The following NSFL1C variants were observed in gnomAD, a reference collection of about 807,000 sequenced individuals.
NSFL1C encodes NSFL1 cofactor p47.
A neutral mutation model predicts 43.1 loss-of-function variants in NSFL1C; 14 were observed. The observed-to-expected ratio is 0.32, with a 90% CI of 0.21 to 0.51. The LOEUF is 0.51. Among genes scored for constraint, NSFL1C ranks in the 20% least tolerant of loss-of-function variants. The pLI is 0.98. For missense variants in NSFL1C, 406 were observed against 472.5 expected (o/e 0.86, Z 1.30); for synonymous variants, 171 against 183.5 (o/e 0.93, Z 0.55).
intron 3 of NSFL1C, among the ~76,000 whole-genome samples, chr20:1,457,798 C>T (rs184865732): frequency 6.6e-6 from 1 of 152,318 alleles, no homozygotes; most frequent in East Asian, 1.9e-4. Flanking sequence ...TGTGTATATA[C>T]ACCACATTTG....
Position 1,445,713 on chromosome 20 carries a change from C to G in NSFL1C, c.903G>C (p.Arg301=), listed in dbSNP as rs1182740074. ...ESEPTTNIQI[R]LADGGRLVQK... Reference sequence around the variant, plus strand: ...GCACCAGCCTCCCGCCGTCTGCAAGCCGAATTTGGATGTTTGTGGTAGGCT... The same window carrying G: ...GCACCAGCCTCCCGCCGTCTGCAAGGCGAATTTGGATGTTTGTGGTAGGCT... The change falls in exon 8 of 9, where the codon CGG becomes CGC. Residue 301 remains arginine (R), a synonymous_variant. Transcript: ENST00000216879. 6.2e-7 allele frequency: 1 copy of G among 1,613,816 alleles called. No individual in the cohort carries two copies. The highest frequency in any genetic ancestry group is 1.3e-5 in the African/African-American group (1 of 74,980).
chr20:1,446,124 G>C (rs2122808016), intron 7 of NSFL1C: 1 of 502,202 alleles, frequency 2.0e-6, no homozygotes, highest in Non-Finnish European at 3.7e-6. Flanking sequence ...CTGAACAAGG[G>C]CTTGAAGGGA....
At chr20:1,462,122 T>C (rs944235929) in intron 2 of NSFL1C, among the ~76,000 whole-genome samples, 5 of 152,148 alleles carry the variant, frequency 3.3e-5, no homozygotes, top group Non-Finnish European at 7.4e-5. Context: ...ATTCTAGAGT[T>C]GGGTGTTGCT....
intron 2 of NSFL1C, 38 bp from the exon 3 acceptor site, chr20:1,458,312 C>G (rs1405002389): frequency 3.8e-6 from 6 of 1,568,430 alleles, no homozygotes; most frequent in Middle Eastern, 1.7e-4. Flanking sequence ...TCTCAGGGAG[C>G]ATTAAGAAAG....
chr20:1,464,194 T>C (rs1205768845), intron 2 of NSFL1C, 135 bp downstream of exon 2: 9 of 709,816 alleles, frequency 1.3e-5, no homozygotes, highest in Non-Finnish European at 2.3e-5. Context: ...TGCTGGGAAG[T>C]ACTACCCATT....
chr20:1,460,361 C>T (rs1322041380), intron 2 of NSFL1C, among the ~76,000 whole-genome samples: 1 of 152,176 alleles, frequency 6.6e-6, no homozygotes, highest in Non-Finnish European at 1.5e-5. Flanking sequence ...GAAGGGGTAT[C>T]CAGCAATCTA....
rs1314866814 is a variant in NSFL1C, at chr20:1,466,701, G to A, written c.105+19C>T. ...AGCAGTCCCCGGCCCACCCGACACA[G>A]CCCGCCGCGCGGCGCTACCTGCAAG... On this transcript the variant is annotated intron_variant, in intron 1 of 8. Transcript: ENST00000216879. The A allele has an allele frequency of 6.5e-7, 1 of 1,535,474 alleles. No individual in the cohort carries two copies. Among genetic ancestry groups the A allele is most frequent in the Admixed American group, 2.0e-5 (1 of 51,256 alleles).
rs1375363159 is a variant in NSFL1C at position 1,458,183 on chromosome 20, C to T, written c.278+17G>A. On this transcript the variant is annotated intron_variant, in intron 3 of 8. Coordinates refer to ENST00000216879, the MANE Select transcript of NSFL1C (RefSeq NM_016143.5). ...TTCCCTGTGAACTGTCCCCCTGACC[C>T]CCTCTAGAAGACTCACCTCTGGCCT... 4 of 1,607,566 alleles carry T rather than the reference C, an allele frequency of 2.5e-6. No individual in the cohort carries two copies. The highest frequency in any genetic ancestry group is 3.4e-6 in the Non-Finnish European group (4 of 1,174,114).
At chr20:1,457,154 T>G (rs2090319227) in intron 3 of NSFL1C, 2 of 152,216 alleles carry the variant, frequency 1.3e-5, no homozygotes, top group African/African-American at 4.8e-5. Context: ...GGGGGAAATA[T>G]ACACTTATAA....
At chr20:1,455,755 G>A (rs771276892) in intron 3 of NSFL1C, 1 of 779,274 alleles carries the variant, frequency 1.3e-6, no homozygotes, top group Non-Finnish European at 2.4e-6. Context: ...ATCAGCAGAT[G>A]TATGCAAAAG....
intron 1 of NSFL1C, 94 bp downstream of exon 1, chr20:1,466,626 G>A: frequency 8.3e-7 from 1 of 1,200,452 alleles, no homozygotes; most frequent in Non-Finnish European, 1.2e-6. Context: ...GAGCGGGGAT[G>A]ACTGTGCGCT....
At chr20:1,453,866 A>C (rs533776914) in intron 5 of NSFL1C, among the ~76,000 whole-genome samples, 9 of 151,946 alleles carry the variant, frequency 5.9e-5, no homozygotes, top group African/African-American at 2.2e-4. Flanking sequence ...AATTGGTGTT[A>C]AGTCTTCTCT....
intron 4 of NSFL1C, 105 bp downstream of exon 4, chr20:1,454,862 A>C: frequency 8.0e-7 from 1 of 1,245,046 alleles, no homozygotes; most frequent in Non-Finnish European, 1.1e-6. Context: ...CCAAGTAAGC[A>C]AATGAAAAAA....
rs11468573 is a variant in NSFL1C, at chr20:1,453,251, CAT to C, written c.538-113_538-112del. 2,365 of 686,340 alleles carry C rather than the reference CAT, an allele frequency of 3.4e-3. 39 individuals carry two copies. The African/African-American group carries it at 0.036, about 11-fold the overall frequency. 42.5% of individuals were successfully genotyped at this position (686,340 alleles called of 1,614,324 possible). On this transcript the variant is annotated intron_variant, in intron 5 of 8. Transcript: ENST00000216879. ...TCAGTGTTGCTACTATTAAAACACACATAGAGACACACATATATACATGTGTG... is the reference window on the plus strand; with the variant it reads ...TCAGTGTTGCTACTATTAAAACACACAGAGACACACATATATACATGTGTG...
chr20:1,457,571 A>C (rs1193301493), intron 3 of NSFL1C, among the ~76,000 whole-genome samples: 1 of 152,166 alleles, frequency 6.6e-6, no homozygotes, highest in African/African-American at 2.4e-5. Context: ...TTAAGATTTT[A>C]TACCCTTTGA....
chr20:1,445,532 CT>C, intron 8 of NSFL1C, 133 bp downstream of exon 8: 1 of 1,006,826 alleles, frequency 9.9e-7, no homozygotes, highest in Non-Finnish European at 1.5e-6. Flanking sequence ...CCTTACCACC[CT>C]CGTGTCTGCT....
chr20:1,459,874 G>A (rs2090375803), intron 2 of NSFL1C, among the ~76,000 whole-genome samples: 2 of 152,168 alleles, frequency 1.3e-5, no homozygotes, highest in Admixed American at 6.5e-5. Context: ...ACTAGGCTAG[G>A]ATGAGCATCT....
chr20:1,445,845 T>G lies in NSFL1C; in HGVS notation c.786-15A>C, dbSNP rs1316787837. ...GGGGGGCAGTGCTGAGGAGAGAGGATGGCATCAGAACACAAGCAGAAACAA... is the reference window on the plus strand; with the variant it reads ...GGGGGGCAGTGCTGAGGAGAGAGGAGGGCATCAGAACACAAGCAGAAACAA... On this transcript the variant is annotated splice_polypyrimidine_tract_variant and intron_variant, in intron 7 of 8. Coordinates refer to ENST00000216879, the MANE Select transcript of NSFL1C (RefSeq NM_016143.5). The G allele has an allele frequency of 1.2e-6, 2 of 1,613,244 alleles. No homozygotes were observed. Among genetic ancestry groups the G allele is most frequent in the Non-Finnish European group, 1.7e-6 (2 of 1,179,630 alleles).
At chr20:1,454,655 G>A (rs1036056323) in intron 4 of NSFL1C, among the ~76,000 whole-genome samples, 6 of 152,192 alleles carry the variant, frequency 3.9e-5, no homozygotes, top group South Asian at 2.1e-4. Context: ...CAGAAATCCC[G>A]ATTTTATATA....
Sources: allele counts gnomAD v4.1 joint callset (sites outside exome capture counted in the v4.1 genomes callset), GRCh38; gene constraint gnomAD v4.1.1; transcripts MANE v1.5; gene names NCBI Gene and HGNC (gene_info 2026-07-23, HGNC 2026-07-21).